Variants in GALNT9 observed in about 807,000 individuals in gnomAD.
The protein encoded by GALNT9 is GalNAc transferase 9.
GALNT9 carries 47 observed loss-of-function variants against 63.1 expected under a neutral mutation model. The ratio of observed to expected loss-of-function variants is 0.75; its 90% confidence interval spans 0.59 to 0.95. The LOEUF is 0.95. Among genes scored for constraint, GALNT9 ranks in the 40% least tolerant of loss-of-function variants. GALNT9 has a pLI of 0.00. For synonymous variants in GALNT9, 396 were observed against 365.7 expected, an observed-to-expected ratio of 1.08 and a Z score of -0.94; for missense variants, 829 against 874.8, an observed-to-expected ratio of 0.95 and a Z score of 0.66.
rs1555246763 is a variant in GALNT9 at position 132,329,138 on chromosome 12, G to T, written c.66C>A (p.Val22=). 6.5e-7 allele frequency: 1 copy of T among 1,549,580 alleles called. No homozygotes were observed. The highest frequency in any genetic ancestry group is 2.0e-5 in the Admixed American group (1 of 50,974). The change falls in exon 1 of 11, where the codon GTC becomes GTA. Residue 22 remains valine (V), a synonymous_variant. Transcript: ENST00000328957. ...GCAGGCGGCAGTACACGGAGAACAG[G>T]ACGATGCCCACGAACACCAGGATGT... ...TVNILVFVGI[V]LFSVYCRLQG...
At position 132,250,779 on chromosome 12, in the gene GALNT9, G is replaced by A. The variant is rs550624983; in HGVS notation, c.960-2752C>T. On this transcript the variant is annotated intron_variant, in intron 5 of 10. Transcript: ENST00000328957. Reference sequence around the variant, plus strand: ...GCACTCCAGCCCGGGTGACAGAGGGGATTCCGTCTCAAACGACAACAACAA... The same window carrying A: ...GCACTCCAGCCCGGGTGACAGAGGGAATTCCGTCTCAAACGACAACAACAA... 3.2e-3 allele frequency among the ~76,000 whole-genome samples: 475 copies of A among 148,298 alleles called. 2 individuals carry two copies. The highest frequency in any genetic ancestry group is 0.012 in the African/African-American group (457 of 39,054).
At chr12:132,314,204 C>A (rs1178332751) in intron 1 of GALNT9, among the ~76,000 whole-genome samples, 1 of 149,084 alleles carries the variant, frequency 6.7e-6, no homozygotes, top group African/African-American at 2.5e-5. Flanking sequence ...ACCCACCCAC[C>A]CATCCATTTA....
At position 132,246,474 on chromosome 12, in the gene GALNT9, C is replaced by G. The variant is rs1878710276; in HGVS notation, c.1077+1436G>C. 6.6e-6 allele frequency among the ~76,000 whole-genome samples: 1 copy of G among 152,138 alleles called. No homozygotes were observed. The highest frequency in any genetic ancestry group is 2.4e-5 in the African/African-American group (1 of 41,416). On this transcript the variant is annotated intron_variant, in intron 6 of 10. Transcript: ENST00000328957. The surrounding 1 kb of genome is among the most constrained non-coding windows in gnomAD (Gnocchi z 4.7). ...TTGTAAGTGCCATTTTTAAAAGGCTCAAGGGACTTTAAAGGCACAAAAGCA... is the reference window on the plus strand; with the variant it reads ...TTGTAAGTGCCATTTTTAAAAGGCTGAAGGGACTTTAAAGGCACAAAAGCA...
In GALNT9 at chr12:132,290,397, G is replaced by A. The variant is rs148801647; in HGVS notation, c.239-3967C>T. On this transcript the variant is annotated intron_variant, in intron 1 of 10. Coordinates refer to ENST00000328957, the MANE Select transcript of GALNT9 (RefSeq NM_001122636.2). ...TGGGAGTAAGCGAGGCCGTCCCAAC[G>A]CGCTGTGTCTTGGGGTGATGGGCAC... Among the ~76,000 whole-genome samples, 493 of 152,230 alleles carry A rather than the reference G, an allele frequency of 3.2e-3. 3 individuals carry two copies. The highest frequency in any genetic ancestry group is 0.011 in the African/African-American group (470 of 41,506).
At chr12:132,254,286 C>T (rs28533053) in intron 5 of GALNT9, among the ~76,000 whole-genome samples, 1 of 152,216 alleles carries the variant, frequency 6.6e-6, no homozygotes, top group African/African-American at 2.4e-5. Context: ...CTGGAAATAC[C>T]GGCGTAAGCC....
intron 2 of GALNT9, among the ~76,000 whole-genome samples, chr12:132,285,496 C>A (rs1027009870): frequency 3.3e-5 from 5 of 152,278 alleles, no homozygotes; most frequent in African/African-American, 1.2e-4. Flanking sequence ...CTGAGTGGCA[C>A]TGAGGCAAAG....
intron 1 of GALNT9, among the ~76,000 whole-genome samples, chr12:132,304,402 C>A (rs1881472663): frequency 8.3e-6 from 1 of 120,286 alleles, no homozygotes; most frequent in African/African-American, 3.6e-5. Flanking sequence ...GGCACACCCT[C>A]ACCCAGACAC....
chr12:132,290,331 A>G lies in GALNT9; in HGVS notation c.239-3901T>C, dbSNP rs566256954. 3.9e-5 allele frequency among the ~76,000 whole-genome samples: 6 copies of G among 152,266 alleles called. No homozygotes were observed. The East Asian group carries it at 1.2e-3, about 29-fold the overall frequency. On this transcript the variant is annotated intron_variant, in intron 1 of 10. Coordinates refer to ENST00000328957, the MANE Select transcript of GALNT9 (RefSeq NM_001122636.2). Reference sequence around the variant, plus strand: ...CCATGCAGAGCGGACCGGCCAAGCCACGGACCCTCAGTGAGAGGCGGCCCC... The same window carrying G: ...CCATGCAGAGCGGACCGGCCAAGCCGCGGACCCTCAGTGAGAGGCGGCCCC...
intron 1 of GALNT9, among the ~76,000 whole-genome samples, chr12:132,314,380 TG>T (rs376127898): frequency 2.8e-4 from 43 of 152,252 alleles, no homozygotes; most frequent in African/African-American, 1.0e-3. Flanking sequence ...ACCTACCATG[TG>T]GGAGGCACTC....
In GALNT9 at chr12:132,201,133, C is replaced by A. The variant is rs764728169; in HGVS notation, c.1392G>T (p.Thr464=). The A allele has an allele frequency of 3.1e-6, 5 of 1,612,986 alleles. No individual in the cohort carries two copies. Among genetic ancestry groups the A allele is most frequent in the Non-Finnish European group, 3.4e-6 (4 of 1,179,610 alleles). ...PEMRVYNNTL[T]YGEVRNSKAS... Reference sequence around the variant, plus strand: ...TCGGGGGAGGTGCTACCTCTCCGTACGTGAGGGTGTTGTTGTAGACCCTCA... The same window carrying A: ...TCGGGGGAGGTGCTACCTCTCCGTAAGTGAGGGTGTTGTTGTAGACCCTCA... The change falls in exon 8 of 11, where the codon ACG becomes ACT. Residue 464 remains threonine (T), a synonymous_variant. Transcript: ENST00000328957.
At chr12:132,257,498 ATGCCCTCAT>A in intron 5 of GALNT9, among the ~76,000 whole-genome samples, 182 bp downstream of exon 5, 1 of 5,642 alleles carries the variant, frequency 1.8e-4, no homozygotes, top group Middle Eastern at 0.071. Context: ...CCTCGTCCTC[ATGCCCTCAT>A]CCCCACGCCC....
At position 132,230,892 on chromosome 12, in the gene GALNT9, C is replaced by T. The variant is rs1445195479; in HGVS notation, c.1077+17018G>A. Among the ~76,000 whole-genome samples, 9 of 152,356 alleles carry T rather than the reference C, an allele frequency of 5.9e-5. No individual in the cohort carries two copies. The South Asian group carries it at 1.7e-3, about 28-fold the overall frequency. On this transcript the variant is annotated intron_variant, in intron 6 of 10. Coordinates refer to ENST00000328957, the MANE Select transcript of GALNT9 (RefSeq NM_001122636.2). ...CACTGCAGGGCTCCCAACCTCCATT[C>T]GGGACGTCTTGGTGAGACTCTGCTG...
At chr12:132,299,134 C>T (rs1471143575) in intron 1 of GALNT9, among the ~76,000 whole-genome samples, 1 of 139,694 alleles carries the variant, frequency 7.2e-6, no homozygotes, top group Non-Finnish European at 1.6e-5. Flanking sequence ...TAACCCACTC[C>T]CACCACACCT....
intron 5 of GALNT9, among the ~76,000 whole-genome samples, chr12:132,249,464 T>A (rs1335995762): frequency 1.3e-5 from 2 of 152,260 alleles, no homozygotes; most frequent in Non-Finnish European, 2.9e-5. Context: ...AATTGTCCTT[T>A]TATTTGTGCA....
At chr12:132,290,582 C>T (rs571706928) in intron 1 of GALNT9, among the ~76,000 whole-genome samples, 495 of 150,552 alleles carry the variant, frequency 3.3e-3, no homozygotes, top group African/African-American at 0.011. Context: ...ACATCCACAG[C>T]GCCCACATCC....
chr12:132,216,732 G>A (rs10902520), intron 6 of GALNT9, among the ~76,000 whole-genome samples: 89,713 of 152,142 alleles, frequency 0.59, 26,577 homozygotes, highest in East Asian at 0.72. Context: ...TCACAAGACT[G>A]GAGAGAAGCC....
Position 132,319,908 on chromosome 12 carries a change from G to A in GALNT9, c.238+9058C>T, listed in dbSNP as rs1317396842. Among the ~76,000 whole-genome samples, 4 of 152,326 alleles carry A rather than the reference G, an allele frequency of 2.6e-5. No homozygotes were observed. Among genetic ancestry groups the A allele is most frequent in the East Asian group, 1.9e-4 (1 of 5,160 alleles). ...AGGTTCGGAGGCACTCACTGACCCC[G>A]CCATGCAGGCGGGCACACGAGGCAG... On this transcript the variant is annotated intron_variant, in intron 1 of 10. Transcript: ENST00000328957. The surrounding 1 kb of genome is among the most constrained non-coding windows in gnomAD (Gnocchi z 5.2).
intron 1 of GALNT9, among the ~76,000 whole-genome samples, chr12:132,312,207 C>A (rs1397356284): frequency 6.6e-6 from 1 of 152,230 alleles, no homozygotes; most frequent in Non-Finnish European, 1.5e-5. Context: ...CTCACTGAGA[C>A]TAATACAGCG....
At chr12:132,204,563 C>T (rs1301853741) in intron 6 of GALNT9, among the ~76,000 whole-genome samples, 2 of 152,142 alleles carry the variant, frequency 1.3e-5, no homozygotes, top group Admixed American at 6.5e-5. Flanking sequence ...TTGGAGCTCA[C>T]GCCACCGGCT....
Sources: allele counts gnomAD v4.1 joint callset (sites outside exome capture counted in the v4.1 genomes callset), GRCh38; gene constraint gnomAD v4.1.1; non-coding constraint Gnocchi (gnomAD v3.1); transcripts MANE v1.5; gene names NCBI Gene and HGNC (gene_info 2026-07-23, HGNC 2026-07-21).